CDC42BPG: variants seen among roughly 807,000 people sequenced by gnomAD.
CDC42BPG encodes the protein serine/threonine-protein kinase MRCK gamma.
In CDC42BPG, 157 loss-of-function variants were observed where a neutral mutation model predicts 192.2. The observed-to-expected ratio is 0.82, with a 90% CI of 0.72 to 0.93. The LOEUF is 0.93. Ranked by LOEUF, CDC42BPG falls within the 40% of genes least tolerant of loss-of-function variation. The pLI, the probability that CDC42BPG is intolerant of heterozygous loss-of-function variation, is 0.00. For missense variants in CDC42BPG, 1,992 were observed against 2,122.1 expected, an observed-to-expected ratio of 0.94 and a Z score of 1.20; for synonymous variants, 981 against 918.5, an observed-to-expected ratio of 1.07 and a Z score of -1.23.
intron 1 of CDC42BPG, among the ~76,000 whole-genome samples, chr11:64,843,747 C>T (rs1943382080): frequency 6.6e-6 from 1 of 152,210 alleles, no homozygotes; most frequent in Non-Finnish European, 1.5e-5. Flanking sequence ...TCCAGCTAGG[C>T]CCCCCTCCCC....
intron 27 of CDC42BPG, among the ~76,000 whole-genome samples, chr11:64,832,000 G>A (rs1019373632): frequency 8.5e-5 from 13 of 152,248 alleles, no homozygotes; most frequent in Non-Finnish European, 1.8e-4. Flanking sequence ...CCTGAGGGAC[G>A]AGTAACTAAC....
In CDC42BPG at chr11:64,823,212, G is replaced by A. The variant is rs376725092; in HGVS notation, c.*1261C>T. ...CGCCATTCTCCTGCCTCAGCCTCCCGAGTAGCAGGGACTACAGGCACCCGT... is the reference window on the plus strand; with the variant it reads ...CGCCATTCTCCTGCCTCAGCCTCCCAAGTAGCAGGGACTACAGGCACCCGT... On this transcript the variant is annotated 3_prime_UTR_variant, in exon 37 of 37. Transcript: ENST00000342711. Among the ~76,000 whole-genome samples the A allele has an allele frequency of 7.9e-5, 12 of 150,958 alleles. No homozygotes were observed. The highest frequency in any genetic ancestry group is 1.7e-4 in the African/African-American group (7 of 41,008).
In CDC42BPG at chr11:64,836,774, C is replaced by T. The variant is rs779954635; in HGVS notation, c.1349G>A (p.Arg450Gln). The change falls in exon 11 of 37, where the codon CGG (arginine) becomes CAG (glutamine). Residue 450 changes from arginine to glutamine, a missense_variant. By Grantham distance (43) the Arg-to-Gln change is conservative. Coordinates refer to ENST00000342711, the MANE Select transcript of CDC42BPG (RefSeq NM_017525.3). Reference protein sequence around the residue: ...PTDHRELEQLRKEVQTLRDRL... With the variant: ...PTDHRELEQLQKEVQTLRDRL... Reference sequence around the variant, plus strand: ...GTCCCGCAGAGTCTGCACTTCCTTCCGTAGCTGCTCCAGCTCCCGATGGTC... The same window carrying T: ...GTCCCGCAGAGTCTGCACTTCCTTCTGTAGCTGCTCCAGCTCCCGATGGTC... 26 of 1,579,028 alleles carry T rather than the reference C, an allele frequency of 1.6e-5. No homozygotes were observed. The highest frequency in any genetic ancestry group is 9.0e-5 in the Admixed American group (5 of 55,490).
intron 5 of CDC42BPG, 124 bp downstream of exon 5, chr11:64,839,996 G>T: frequency 2.1e-6 from 2 of 950,498 alleles, no homozygotes; most frequent in Non-Finnish European, 3.1e-6. Flanking sequence ...GCACACGGAT[G>T]AGGCACCCAG....
intron 12 of CDC42BPG, 40 bp downstream of exon 12, chr11:64,836,387 C>CCACCTCACA (rs2136333536): frequency 6.2e-7 from 1 of 1,609,942 alleles, no homozygotes; most frequent in Non-Finnish European, 8.5e-7. Context: ...CCCACCTCAC[C>CCACCTCACA]CACCTCACCC....
At position 64,832,956 on chromosome 11, in the gene CDC42BPG, C is replaced by G. The variant is rs1245699923; in HGVS notation, c.2735G>C (p.Cys912Ser). The change falls in exon 25 of 37, where the codon TGC (cysteine) becomes TCC (serine). Residue 912 changes from cysteine (C) to serine (S), a missense_variant. By Grantham distance (112) the Cys-to-Ser change is moderately radical (BLOSUM62 -1). Transcript: ENST00000342711. ...LGRQGLGCDA[C>S]GYFCHTTCAP... ...ACAGGTTGTGTGACAAAAGTAGCCG[C>G]AGGCTGTGGGGAAAGTGGAGAAGGT... 1 of 1,529,222 alleles carries G rather than the reference C, an allele frequency of 6.5e-7. No individual in the cohort carries two copies. The highest frequency in any genetic ancestry group is 1.2e-5 in the South Asian group (1 of 80,460). 94.7% of individuals were successfully genotyped at this position (1,529,222 alleles called of 1,614,324 possible).
chr11:64,828,313 C>T (rs1261671320), intron 30 of CDC42BPG, among the ~76,000 whole-genome samples: 2 of 152,100 alleles, frequency 1.3e-5, no homozygotes, highest in African/African-American at 4.8e-5. Flanking sequence ...CCACTCATTC[C>T]TCCAAGCCCA....
Position 64,832,703 on chromosome 11 carries a change from A to G in CDC42BPG, c.2906T>C (p.Val969Ala), listed in dbSNP as rs1186178569. The G allele has an allele frequency of 3.1e-6, 5 of 1,611,972 alleles. No homozygotes were observed. The African/African-American group carries it at 4.0e-5, about 13-fold the overall frequency. Reference protein sequence around the residue: ...PSGVRRGWQRVFAALSDSRLL... With the variant: ...PSGVRRGWQRAFAALSDSRLL... ...GCGTGAGTCACTCAGGGCAGCAAAC[A>G]CGCGCTGCCAGCCCCGCCGGACACC... Residue 969 changes from valine to alanine, a missense_variant, in exon 26 of 37, where the codon GTG becomes GCG. This residue lies in a region of CDC42BPG where 1,656 missense variants were observed against 1,844.3 expected (regional missense o/e 0.90). Coordinates refer to ENST00000342711, the MANE Select transcript of CDC42BPG (RefSeq NM_017525.3).
At chr11:64,834,628 C>G (rs750376406) in intron 18 of CDC42BPG, 51 bp from the exon 19 acceptor site, 1 of 1,487,146 alleles carries the variant, frequency 6.7e-7, no homozygotes, top group Non-Finnish European at 8.9e-7. Context: ...CTGGCTGCCT[C>G]AGGGACCCCC....
At chr11:64,827,027 G>A (rs769051055) in intron 34 of CDC42BPG, 23 bp downstream of exon 34, 1 of 1,486,584 alleles carries the variant, frequency 6.7e-7, no homozygotes, top group African/African-American at 1.4e-5. Context: ...AAAGTGGCTT[G>A]TGATTGGCTC....
chr11:64,834,819 C>A, intron 18 of CDC42BPG, 30 bp downstream of exon 18: 1 of 1,596,538 alleles, frequency 6.3e-7, no homozygotes, highest in Non-Finnish European at 8.6e-7. Flanking sequence ...CTTGCCCAAG[C>A]CAGCCCCCAG....
rs1943048488 is a variant in CDC42BPG at position 64,836,985 on chromosome 11, C to A, written c.1240G>T (p.Ala414Ser). Reference sequence around the variant, plus strand: ...AGACACTGGAGCTTCCGCTCCAGGGCAGCCCAAGCCTCAGAGCTGCTCTCA... The same window carrying A: ...AGACACTGGAGCTTCCGCTCCAGGGAAGCCCAAGCCTCAGAGCTGCTCTCA... Reference protein sequence around the residue: ...SPESSSEAWAALERKLQCLEQ... With the variant: ...SPESSSEAWASLERKLQCLEQ... Residue 414 changes from alanine (A) to serine (S), a missense_variant, in exon 10 of 37, where the codon GCC (alanine) becomes TCC (serine). By Grantham distance (99) the Ala-to-Ser change is moderately conservative (BLOSUM62 1). Transcript: ENST00000342711. 2 of 1,613,468 alleles carry A rather than the reference C, an allele frequency of 1.2e-6. No homozygotes were observed. Among genetic ancestry groups the A allele is most frequent in the African/African-American group, 2.7e-5 (2 of 74,940 alleles).
chr11:64,835,901 C>A, intron 13 of CDC42BPG, 50 bp from the exon 14 acceptor site: 1 of 1,509,382 alleles, frequency 6.6e-7, no homozygotes, highest in East Asian at 2.4e-5. Flanking sequence ...CTCGGCAGCC[C>A]CTCTGCCCAC....
intron 10 of CDC42BPG, 50 bp from the exon 11 acceptor site, chr11:64,836,869 G>GCAGCAGCCCCTAGGGC: frequency 6.2e-7 from 1 of 1,609,720 alleles, no homozygotes; most frequent in Non-Finnish European, 8.5e-7. Flanking sequence ...CATTCCCGCA[G>GCAGCAGCCCCTAGGGC]CAGCAGCCCC....
In CDC42BPG at chr11:64,836,728, G is replaced by T; in HGVS notation, c.1384+11C>A. 3 of 1,290,366 alleles carry T rather than the reference G, an allele frequency of 2.3e-6. No homozygotes were observed. The highest frequency in any genetic ancestry group is 2.1e-6 in the Non-Finnish European group (2 of 955,482). The allele number at this position is 1,290,366 out of a possible 1,614,324, so 79.9% of individuals were successfully genotyped here. A position where few individuals can be genotyped will look rare whatever the true frequency, so the allele number is the denominator to read the frequency against. ...CCCTGGGGGGGGGGGGGGGGTGGGC[G>T]GAAGGGATACCTGGCAGCCTGTCCC... On this transcript the variant is annotated intron_variant, in intron 11 of 36. Coordinates refer to ENST00000342711, the MANE Select transcript of CDC42BPG (RefSeq NM_017525.3).
At position 64,832,818 on chromosome 11, in the gene CDC42BPG, C is replaced by G. The variant is rs1043786198; in HGVS notation, c.2865+8G>C. The G allele has an allele frequency of 6.9e-6, 11 of 1,587,304 alleles. No individual in the cohort carries two copies. The highest frequency in any genetic ancestry group is 3.5e-5 in the Admixed American group (2 of 56,490). Reference sequence around the variant, plus strand: ...TGCCCATCTTCCCCTCCCTCGGCCCCCACTCACCGACAGAAAGCCCTCATA... The same window carrying G: ...TGCCCATCTTCCCCTCCCTCGGCCCGCACTCACCGACAGAAAGCCCTCATA... On this transcript the variant is annotated splice_region_variant and intron_variant, in intron 25 of 36. Coordinates refer to ENST00000342711, the MANE Select transcript of CDC42BPG (RefSeq NM_017525.3).
intron 12 of CDC42BPG, 46 bp downstream of exon 12, chr11:64,836,372 ACTCACCCAC>A (rs71471960): frequency 6.4e-5 from 97 of 1,510,124 alleles, no homozygotes; most frequent in East Asian, 1.8e-4. Context: ...GCCCAGGGCC[ACTCACCCAC>A]CTCACCCACC....
chr11:64,839,718 G>GCTCA (rs1943194332), intron 5 of CDC42BPG, 147 bp from the exon 6 acceptor site: 1 of 645,410 alleles, frequency 1.5e-6, no homozygotes, highest in Non-Finnish European at 2.7e-6. Flanking sequence ...TGAGCAACGT[G>GCTCA]TGTGTGTGTA....
chr11:64,836,967 G>A lies in CDC42BPG; in HGVS notation c.1258C>T (p.Gln420Ter), dbSNP rs2136346665. The A allele has an allele frequency of 1.2e-6, 2 of 1,613,494 alleles. No individual in the cohort carries two copies. The highest frequency in any genetic ancestry group is 1.7e-6 in the Non-Finnish European group (2 of 1,179,960). The change falls in exon 10 of 37, where the codon CAG becomes TAG. Residue 420 changes from glutamine to a stop codon, truncating the protein, a stop_gained. Transcript: ENST00000342711. LOFTEE classifies it high-confidence loss of function. ...EAWAALERKL[Q>*]CLEQEKVELS... ...TCCACCTTCTCCTGCTCCAGACACT[G>A]GAGCTTCCGCTCCAGGGCAGCCCAA...
Sources: allele counts gnomAD v4.1 joint callset (sites outside exome capture counted in the v4.1 genomes callset), GRCh38; gene constraint gnomAD v4.1.1; regional missense constraint gnomAD v4.1.1; transcripts MANE v1.5; gene names NCBI Gene and HGNC (gene_info 2026-07-23, HGNC 2026-07-21).